The following ABAT variants were observed in gnomAD, a reference collection of about 807,000 sequenced individuals.
The protein encoded by ABAT is 4-aminobutyrate aminotransferase.
A neutral mutation model predicts 64.6 loss-of-function variants in ABAT; 45 were observed. That is an observed-to-expected ratio of 0.70 (90% CI 0.55 to 0.89). The LOEUF (loss-of-function observed/expected upper bound fraction) is 0.89, where lower values mean the gene tolerates loss of function less well. Among genes scored for constraint, ABAT ranks in the 40% least tolerant of loss-of-function variants. The pLI, the probability that ABAT is intolerant of heterozygous loss-of-function variation, is 0.00. For missense variants in ABAT, 633 were observed against 658.4 expected (o/e 0.96, Z 0.42); for synonymous variants, 297 against 250.5 (o/e 1.19, Z -1.75).
At chr16:8,675,043 GC>G (rs1346399122) in intron 1 of ABAT, among the ~76,000 whole-genome samples, 1 of 152,122 alleles carries the variant, frequency 6.6e-6, no homozygotes, top group Admixed American at 6.5e-5. Context: ...GGAGACTGAT[GC>G]CCCTTCCCCA....
chr16:8,682,031 T>G (rs900253649), intron 1 of ABAT, among the ~76,000 whole-genome samples: 2 of 152,132 alleles, frequency 1.3e-5, no homozygotes, highest in Admixed American at 6.6e-5. Flanking sequence ...GCTGGCAACA[T>G]ACCTTCCTCC....
intron 1 of ABAT, chr16:8,713,396 G>A (rs1196486796): frequency 6.2e-6 from 1 of 162,456 alleles, no homozygotes; most frequent in Non-Finnish European, 1.4e-5. Context: ...AACCAAGCTG[G>A]GCTTAAAACA....
rs995650807 is a variant in ABAT at position 8,735,567 on chromosome 16, A to G, written c.-41-132A>G. On this transcript the variant is annotated intron_variant, in intron 1 of 15. Transcript: ENST00000268251. Reference sequence around the variant, plus strand: ...GGCCTAATATATAAAGTCCATGTTCAGTATAAAACCCAAGCATTTGACAAT... The same window carrying G: ...GGCCTAATATATAAAGTCCATGTTCGGTATAAAACCCAAGCATTTGACAAT... 21 of 794,346 alleles carry G rather than the reference A, an allele frequency of 2.6e-5. 1 individual carries two copies. In the Admixed American group the frequency reaches 4.3e-4, roughly 16 times the overall value. 49.2% of individuals were successfully genotyped at this position (794,346 alleles called of 1,614,324 possible). A position where few individuals can be genotyped will look rare whatever the true frequency, so the allele number is the denominator to read the frequency against.
chr16:8,726,230 A>C (rs1567287889), intron 1 of ABAT, among the ~76,000 whole-genome samples: 1 of 149,968 alleles, frequency 6.7e-6, no homozygotes, highest in East Asian at 1.9e-4. Flanking sequence ...GATGATCTCC[A>C]GTTCCATCCA....
At chr16:8,773,591 G>C (rs2060183888) in intron 12 of ABAT, among the ~76,000 whole-genome samples, 1 of 151,942 alleles carries the variant, frequency 6.6e-6, no homozygotes, top group South Asian at 2.1e-4. Context: ...CTCCTATTTT[G>C]AACTATGCAA....
rs533751925 is a variant in ABAT at position 8,700,772 on chromosome 16, A to G, written c.-42+26061A>G. ...CACTACACCTGGCGCATTTTAAAACATTTTTTTTTTAAATTTAGAGACAGA... is the reference window on the plus strand; with the variant it reads ...CACTACACCTGGCGCATTTTAAAACGTTTTTTTTTTAAATTTAGAGACAGA... On this transcript the variant is annotated intron_variant, in intron 1 of 15. Transcript: ENST00000268251. Among the ~76,000 whole-genome samples the G allele has an allele frequency of 2.0e-5, 3 of 148,496 alleles. No homozygotes were observed. In the East Asian group the frequency reaches 6.0e-4, roughly 30 times the overall value.
intron 1 of ABAT, among the ~76,000 whole-genome samples, chr16:8,680,936 G>C (rs575203755): frequency 1.3e-5 from 2 of 151,746 alleles, no homozygotes; most frequent in Non-Finnish European, 2.9e-5. Context: ...TTGTTCTTGA[G>C]CTGTAAGAGT....
At chr16:8,689,104 C>T (rs1364613119) in intron 1 of ABAT, among the ~76,000 whole-genome samples, 2 of 149,386 alleles carry the variant, frequency 1.3e-5, no homozygotes, top group Non-Finnish European at 3.0e-5. Flanking sequence ...AAAAGTTCAA[C>T]GTCATTTGTG....
At chr16:8,690,497 TC>T (rs1302919157) in intron 1 of ABAT, among the ~76,000 whole-genome samples, 1 of 152,230 alleles carries the variant, frequency 6.6e-6, no homozygotes, top group East Asian at 1.9e-4. Context: ...GGTACTTTTT[TC>T]CTTTTCAAAA....
At chr16:8,748,642 C>G (rs1403461113) in intron 4 of ABAT, among the ~76,000 whole-genome samples, 1 of 149,864 alleles carries the variant, frequency 6.7e-6, no homozygotes, top group South Asian at 2.1e-4. Flanking sequence ...GTTGACATCT[C>G]CAACTATTAT....
chr16:8,773,472 C>T (rs12446980), intron 12 of ABAT, among the ~76,000 whole-genome samples: 6,545 of 152,194 alleles, frequency 0.043, 219 homozygotes, highest in Middle Eastern at 0.13. Flanking sequence ...TTTAAAAAAC[C>T]TTTTTGGATA....
intron 2 of ABAT, among the ~76,000 whole-genome samples, chr16:8,739,763 AACAG>A (rs112183908): frequency 0.02 from 743 of 36,600 alleles, 1 homozygote; most frequent in Admixed American, 0.029. Context: ...AAAACAAAAA[AACAG>A]AAAAAATAGA....
intron 1 of ABAT, among the ~76,000 whole-genome samples, chr16:8,727,516 C>T (rs749306653): frequency 3.9e-5 from 6 of 152,158 alleles, no homozygotes; most frequent in East Asian, 3.8e-4. Context: ...AGAATCTCCC[C>T]GTATTCCCTT....
chr16:8,774,029 A>G (rs545435405), intron 12 of ABAT, among the ~76,000 whole-genome samples: 1 of 152,144 alleles, frequency 6.6e-6, no homozygotes, highest in Middle Eastern at 3.2e-3. Context: ...CCTGGGTCCA[A>G]GTGATTCTCC....
intron 1 of ABAT, among the ~76,000 whole-genome samples, chr16:8,686,768 C>T (rs1210174482): frequency 6.6e-6 from 1 of 152,182 alleles, no homozygotes; most frequent in Non-Finnish European, 1.5e-5. Context: ...TCAGTTTACT[C>T]CTCCATCAAA....
At chr16:8,728,254 T>C (rs924989225) in intron 1 of ABAT, among the ~76,000 whole-genome samples, 6 of 152,212 alleles carry the variant, frequency 3.9e-5, no homozygotes, top group Non-Finnish European at 8.8e-5. Context: ...TCAGATTTTG[T>C]TATAAGGTCA....
At chr16:8,754,670 A>ATTTATTTC (rs2059595900) in intron 5 of ABAT, among the ~76,000 whole-genome samples, 3 of 14,608 alleles carry the variant, frequency 2.1e-4, no homozygotes, top group African/African-American at 3.2e-4. Flanking sequence ...TGATTTATTT[A>ATTTATTTC]TTTCTTTCTT....
intron 1 of ABAT, among the ~76,000 whole-genome samples, chr16:8,721,443 G>C (rs1299370309): frequency 6.6e-6 from 1 of 152,196 alleles, no homozygotes; most frequent in Non-Finnish European, 1.5e-5. Flanking sequence ...GTGAGACTCA[G>C]ACCTACTTAG....
At chr16:8,757,057 A>G (rs772976933) in intron 5 of ABAT, 37 of 423,948 alleles carry the variant, frequency 8.7e-5, no homozygotes, top group Non-Finnish European at 1.6e-4. Flanking sequence ...GACTCAGCCC[A>G]TGGGCGCTGG....
Sources: allele counts gnomAD v4.1 joint callset (sites outside exome capture counted in the v4.1 genomes callset), GRCh38; gene constraint gnomAD v4.1.1; transcripts MANE v1.5; gene names NCBI Gene and HGNC (gene_info 2026-07-23, HGNC 2026-07-21).